TLCD2: variants seen among roughly 807,000 people sequenced by gnomAD.
TLCD2 encodes the protein TLC domain-containing protein 2.
TLCD2 carries 12 observed loss-of-function variants against 14.0 expected under a neutral mutation model. The observed-to-expected ratio is 0.86, with a 90% CI of 0.55 to 1.39. TLCD2 has a LOEUF of 1.39. TLCD2 is among the 40% of genes most tolerant of loss of function. TLCD2 has a pLI of 0.00. For missense variants in TLCD2, 360 were observed against 346.8 expected (o/e 1.04, Z -0.30); for synonymous variants, 166 against 156.5 (o/e 1.06, Z -0.45).
At position 1,703,227 on chromosome 17, in the gene TLCD2, A is replaced by G. The variant is rs947595989; in HGVS notation, c.*4543T>C. The G allele has an allele frequency of 3.3e-5, 5 of 152,104 alleles. No individual in the cohort carries two copies. The highest frequency in any genetic ancestry group is 1.9e-4 in the East Asian group (1 of 5,196). The allele number at this position is 152,104 out of a possible 1,614,324, so 9.4% of individuals were successfully genotyped here. On this transcript the variant is annotated 3_prime_UTR_variant, in exon 4 of 4. Transcript: ENST00000330676. ...CTTCCTCAAGTTTCACTGGCTCACC[A>G]TGGTAGCAATTCGTGTGTGGTCCCA...
rs149786440 is a variant in TLCD2 at position 1,705,500 on chromosome 17, C to A, written c.*2270G>T. On this transcript the variant is annotated 3_prime_UTR_variant, in exon 4 of 4. Coordinates refer to ENST00000330676, the MANE Select transcript of TLCD2 (RefSeq NM_001164407.2). ...TTTTTCTGGTCCTTTTTGTTTATAACCCTTTTATCAGTTCTGTGACTTTGG... is the reference window on the plus strand; with the variant it reads ...TTTTTCTGGTCCTTTTTGTTTATAAACCTTTTATCAGTTCTGTGACTTTGG... 6.6e-6 allele frequency: 1 copy of A among 152,346 alleles called. No homozygotes were observed. The highest frequency in any genetic ancestry group is 1.5e-5 in the Non-Finnish European group (1 of 68,150). The allele number at this position is 152,346 out of a possible 1,614,324, so 9.4% of individuals were successfully genotyped here.
Position 1,706,385 on chromosome 17 carries a change from TC to T in TLCD2, c.*1384del, listed in dbSNP as rs1371307187. The T allele has an allele frequency of 6.6e-6, 1 of 152,402 alleles. No homozygotes were observed. The highest frequency in any genetic ancestry group is 1.9e-4 in the East Asian group (1 of 5,194). The allele number at this position is 152,402 out of a possible 1,614,324, so 9.4% of individuals were successfully genotyped here. On this transcript the variant is annotated 3_prime_UTR_variant, in exon 4 of 4. Transcript: ENST00000330676. ...GGGAAAACTCTGTACTGGGCACCTT[TC>T]CTTCTGTAATTCTAGACTTCAGTGC...
intron 3 of TLCD2, among the ~76,000 whole-genome samples, chr17:1,708,479 C>CTTTT (rs70956738): frequency 3.8e-4 from 18 of 47,876 alleles, no homozygotes; most frequent in Admixed American, 7.6e-4. Context: ...GGCTTGCTTG[C>CTTTT]TTTTTTTTTT....
chr17:1,704,652 T>G lies in TLCD2; in HGVS notation c.*3118A>C, dbSNP rs1005764934. 7.2e-5 allele frequency: 11 copies of G among 151,922 alleles called. No individual in the cohort carries two copies. The highest frequency in any genetic ancestry group is 2.4e-4 in the African/African-American group (10 of 41,370). The allele number at this position is 151,922 out of a possible 1,614,324, so 9.4% of individuals were successfully genotyped here. A position where few individuals can be genotyped will look rare whatever the true frequency, so the allele number is the denominator to read the frequency against. On this transcript the variant is annotated 3_prime_UTR_variant, in exon 4 of 4. Coordinates refer to ENST00000330676, the MANE Select transcript of TLCD2 (RefSeq NM_001164407.2). ...TCTCATTTTTTTTTCACACCTGTATTTTTCCTCCTCTTTTCATTTCTGGGT... is the reference window on the plus strand; with the variant it reads ...TCTCATTTTTTTTTCACACCTGTATGTTTCCTCCTCTTTTCATTTCTGGGT...
Position 1,707,012 on chromosome 17 carries a change from C to T in TLCD2, c.*758G>A, listed in dbSNP as rs1454534993. On this transcript the variant is annotated 3_prime_UTR_variant, in exon 4 of 4. Transcript: ENST00000330676. The stretch of plus-strand genomic sequence containing the variant: ...GAAACCTCCTCTCCACCAAAAAATA[C>T]AAAAATTAGCTGGGCTTGGTGGTGC... The T allele has an allele frequency of 6.6e-6, 1 of 151,602 alleles. No homozygotes were observed. Among genetic ancestry groups the T allele is most frequent in the Non-Finnish European group, 1.5e-5 (1 of 67,948 alleles). The allele number at this position is 151,602 out of a possible 1,614,324, so 9.4% of individuals were successfully genotyped here.
Position 1,703,824 on chromosome 17 carries a change from ATTTC to A in TLCD2, c.*3942_*3945del, listed in dbSNP as rs1913947225. On this transcript the variant is annotated 3_prime_UTR_variant, in exon 4 of 4. Coordinates refer to ENST00000330676, the MANE Select transcript of TLCD2 (RefSeq NM_001164407.2). ...TAGATTCCTCACATGAGTTTGTCAT[ATTTC>A]TTTTTCTTTAAAAACTCAAGGCAGA... The A allele has an allele frequency of 6.6e-6, 1 of 152,162 alleles. No homozygotes were observed. Among genetic ancestry groups the A allele is most frequent in the African/African-American group, 2.4e-5 (1 of 41,442 alleles). The allele number at this position is 152,162 out of a possible 1,614,324, so 9.4% of individuals were successfully genotyped here.
At chr17:1,709,687 G>A in intron 2 of TLCD2, 106 bp from the exon 3 acceptor site, 1 of 949,082 alleles carries the variant, frequency 1.1e-6, no homozygotes, top group South Asian at 1.4e-5. Flanking sequence ...GTTTTCCCTT[G>A]GTAAAGCCTT....
chr17:1,709,738 G>C, intron 2 of TLCD2, 66 bp downstream of exon 2: 6 of 1,279,690 alleles, frequency 4.7e-6, no homozygotes, highest in East Asian at 5.0e-5. Context: ...AATGGACCTG[G>C]AAGGACAGCA....
Position 1,710,013 on chromosome 17 carries a change from C to T in TLCD2, c.176+54G>A. ...AGACGCCCGGCGGGTCTCCCGGCCT[C>T]AGCCTCCCACCCCTCGCCCTCGCCC... is the stretch of plus-strand genomic sequence containing the variant. On this transcript the variant is annotated intron_variant, in intron 1 of 3. Coordinates refer to ENST00000330676, the MANE Select transcript of TLCD2 (RefSeq NM_001164407.2). The surrounding 1 kb of genome is among the most constrained non-coding windows in gnomAD (Gnocchi z 6.1). The T allele has an allele frequency of 1.3e-6, 2 of 1,522,334 alleles. No individual in the cohort carries two copies. Among genetic ancestry groups the T allele is most frequent in the South Asian group, 2.4e-5 (2 of 81,928 alleles). 94.3% of individuals were successfully genotyped at this position (1,522,334 alleles called of 1,614,324 possible).
In TLCD2 at chr17:1,709,878, A is replaced by G; in HGVS notation, c.185T>C (p.Leu62Pro). 1 of 1,489,878 alleles carries G rather than the reference A, an allele frequency of 6.7e-7. No homozygotes were observed. 92.3% of individuals were successfully genotyped at this position (1,489,878 alleles called of 1,614,324 possible). Reference protein sequence around the residue: ...SGTGALLGLSLYPQMAADPIH... With the variant: ...SGTGALLGLSPYPQMAADPIH... ...GGGGTCGGCGGCCATCTGAGGGTAC[A>G]GTGACAGGCTGGGGGCATGGGGTGG... The change falls in exon 2 of 4, where the codon CTG (leucine) becomes CCG (proline). Residue 62 changes from leucine to proline, a missense_variant. Coordinates refer to ENST00000330676, the MANE Select transcript of TLCD2 (RefSeq NM_001164407.2).
Position 1,710,338 on chromosome 17 carries a change from G to A in TLCD2, c.-96C>T. ...GGGAACCCGTTTCCCGGCAGGGCTG[G>A]GGCCCCGGCTCCCCTCCCCGCCGCG... On this transcript the variant is annotated 5_prime_UTR_variant, in exon 1 of 4. Transcript: ENST00000330676. This position sits in a 1 kb window ranked among gnomAD's most constrained non-coding sequence, Gnocchi z 6.1. 1 of 1,144,816 alleles carries A rather than the reference G, an allele frequency of 8.7e-7. No homozygotes were observed. Among genetic ancestry groups the A allele is most frequent in the Admixed American group, 3.6e-5 (1 of 27,952 alleles). The allele number at this position is 1,144,816 out of a possible 1,614,324, so 70.9% of individuals were successfully genotyped here.
Position 1,710,372 on chromosome 17 carries a change from A to G in TLCD2, c.-130T>C. 1 of 794,308 alleles carries G rather than the reference A, an allele frequency of 1.3e-6. No homozygotes were observed. Among genetic ancestry groups the G allele is most frequent in the Non-Finnish European group, 1.9e-6 (1 of 539,590 alleles). The allele number at this position is 794,308 out of a possible 1,614,324, so 49.2% of individuals were successfully genotyped here. Reference sequence around the variant, plus strand: ...CTCCCCTCCCCGCCGCGCCTTTGGGATCAGCAGGAACTTTTCCCCGTTCGT... The same window carrying G: ...CTCCCCTCCCCGCCGCGCCTTTGGGGTCAGCAGGAACTTTTCCCCGTTCGT... On this transcript the variant is annotated 5_prime_UTR_variant, in exon 1 of 4. Coordinates refer to ENST00000330676, the MANE Select transcript of TLCD2 (RefSeq NM_001164407.2). The surrounding 1 kb of genome is among the most constrained non-coding windows in gnomAD (Gnocchi z 6.1).
At chr17:1,708,555 T>C (rs1388826753) in intron 3 of TLCD2, among the ~76,000 whole-genome samples, 5 of 146,834 alleles carry the variant, frequency 3.4e-5, no homozygotes, top group South Asian at 4.4e-4. Flanking sequence ...GGTGTGATCT[T>C]GGCTCACTGC....
rs1188312699 is a variant in TLCD2 at position 1,707,693 on chromosome 17, T to C, written c.*77A>G. 2 of 1,202,160 alleles carry C rather than the reference T, an allele frequency of 1.7e-6. No homozygotes were observed. The highest frequency in any genetic ancestry group is 1.1e-6 in the Non-Finnish European group (1 of 889,566). 74.5% of individuals were successfully genotyped at this position (1,202,160 alleles called of 1,614,324 possible). On this transcript the variant is annotated 3_prime_UTR_variant, in exon 4 of 4. Coordinates refer to ENST00000330676, the MANE Select transcript of TLCD2 (RefSeq NM_001164407.2). Reference sequence around the variant, plus strand: ...TGAGCAAGTCTGGCCCTCACCCTGATGGGGGACTGTGCATGGAAGACCCTC... The same window carrying C: ...TGAGCAAGTCTGGCCCTCACCCTGACGGGGGACTGTGCATGGAAGACCCTC...
chr17:1,708,308 C>CCACG (rs1914104717), intron 3 of TLCD2, 86 bp from the exon 4 acceptor site: 2 of 1,080,482 alleles, frequency 1.9e-6, no homozygotes, highest in African/African-American at 1.6e-5. Context: ...AAAGAGGCTT[C>CCACG]CACGCAGTCT....
At chr17:1,709,726 G>T in intron 2 of TLCD2, 78 bp downstream of exon 2, 1 of 1,236,370 alleles carries the variant, frequency 8.1e-7, no homozygotes, top group Non-Finnish European at 1.1e-6. Flanking sequence ...ATGGGGGCGG[G>T]GAATGGACCT....
intron 1 of TLCD2, 22 bp from the exon 2 acceptor site, chr17:1,709,908 A>AC: frequency 1.1e-6 from 1 of 907,662 alleles, no homozygotes; most frequent in Non-Finnish European, 1.7e-6. Flanking sequence ...GGGTGGGGAC[A>AC]TGGGGGGGGG....
Position 1,709,912 on chromosome 17 carries a change from G to GGT in TLCD2, c.177-27_177-26insAC, listed in dbSNP as rs1555559168. 4 of 1,520,736 alleles carry GGT rather than the reference G, an allele frequency of 2.6e-6. No individual in the cohort carries two copies. In the African/African-American group the frequency reaches 5.5e-5, roughly 21 times the overall value. 94.2% of individuals were successfully genotyped at this position (1,520,736 alleles called of 1,614,324 possible). A position where few individuals can be genotyped will look rare whatever the true frequency, so the allele number is the denominator to read the frequency against. Reference sequence around the variant, plus strand: ...CTGGGGGCATGGGGTGGGGACATGGGGGGGGGCATGGTCAGCCTCTCGAGG... The same window carrying GGT: ...CTGGGGGCATGGGGTGGGGACATGGGGTGGGGGGCATGGTCAGCCTCTCGAGG... On this transcript the variant is annotated intron_variant, in intron 1 of 3. Transcript: ENST00000330676.
intron 3 of TLCD2, among the ~76,000 whole-genome samples, chr17:1,709,090 C>G (rs1914133259): frequency 6.6e-6 from 1 of 152,112 alleles, no homozygotes; most frequent in Non-Finnish European, 1.5e-5. Context: ...AATTATAGGA[C>G]AGCAAAATGA....
Sources: allele counts gnomAD v4.1 joint callset (sites outside exome capture counted in the v4.1 genomes callset), GRCh38; gene constraint gnomAD v4.1.1; non-coding constraint Gnocchi (gnomAD v3.1); transcripts MANE v1.5; gene names NCBI Gene and HGNC (gene_info 2026-07-23, HGNC 2026-07-21).